Variants in CGN observed in about 807,000 individuals in gnomAD.
CGN encodes cingulin.
Under a neutral mutation model 157.1 loss-of-function variants are expected in CGN, and 121 were observed. The ratio of observed to expected loss-of-function variants is 0.77; its 90% CI spans 0.66 to 0.90. CGN has a LOEUF of 0.90. CGN is among the 40% of genes least tolerant of loss of function. The pLI is 0.00. For missense variants in CGN, 1,424 were observed against 1,520.9 expected (o/e 0.94, Z 1.06); for synonymous variants, 535 against 607.5 (o/e 0.88, Z 1.76).
chr1:151,519,655 AT>A (rs1571657358), intron 2 of CGN, among the ~76,000 whole-genome samples: 1 of 152,212 alleles, frequency 6.6e-6, no homozygotes, highest in East Asian at 1.9e-4. Context: ...TGCCACAACC[AT>A]TAACTATGGC....
intron 16 of CGN, 81 bp downstream of exon 16, chr1:151,535,212 A>G: frequency 9.9e-7 from 1 of 1,008,306 alleles, no homozygotes; most frequent in Non-Finnish European, 1.5e-6. Flanking sequence ...CTACCCTCCC[A>G]TCTTTCATCA....
rs1007500687 is a variant in CGN, at chr1:151,530,733, G to A, written c.2558G>A (p.Arg853Gln). The A allele has an allele frequency of 2.4e-5, 37 of 1,552,064 alleles. No individual in the cohort carries two copies. Among genetic ancestry groups the A allele is most frequent in the Non-Finnish European group, 3.1e-5 (35 of 1,147,270 alleles). ...QKRLLDRTVD[R>Q]LNKELEKIGE... The stretch of plus-strand genomic sequence containing the variant: ...CGTTTGCTGGACAGGACTGTGGACC[G>A]ACTGAACAAGGAGGTGGGGCATGGG... Residue 853 changes from arginine (R) to glutamine (Q), a missense_variant, in exon 13 of 21, where the codon CGA (arginine) becomes CAA (glutamine). Physicochemically the swap from Arg to Gln is conservative, Grantham distance 43 (BLOSUM62 1). Around this residue, in one of 3 missense-constraint regions of CGN, gnomAD observed 1,187 missense variants for 1,217.6 expected, o/e 0.97. Coordinates refer to ENST00000271636, the MANE Select transcript of CGN (RefSeq NM_020770.3).
At chr1:151,516,888 C>T (rs940222689) in intron 1 of CGN, among the ~76,000 whole-genome samples, 6 of 150,286 alleles carry the variant, frequency 4.0e-5, no homozygotes, top group Non-Finnish European at 7.4e-5. Context: ...TGGCTGGGTG[C>T]GTGGCTCATG....
chr1:151,538,447 C>T lies in CGN; in HGVS notation c.*1101C>T, dbSNP rs917465432. ...AGGCAACGGAAGACATTTATTTCTC[C>T]TTTGGATTTTGGGGAGAACCAAGCC... On this transcript the variant is annotated 3_prime_UTR_variant, in exon 21 of 21. Transcript: ENST00000271636. 9.2e-5 allele frequency: 14 copies of T among 152,178 alleles called. No individual in the cohort carries two copies. Among genetic ancestry groups the T allele is most frequent in the African/African-American group, 3.4e-4 (14 of 41,428 alleles). The allele number at this position is 152,178 out of a possible 1,614,324, so 9.4% of individuals were successfully genotyped here.
rs140498292 is a variant in CGN, at chr1:151,529,924, G to A, written c.2122G>A (p.Glu708Lys). 1.5e-4 allele frequency: 245 copies of A among 1,613,782 alleles called. 1 individual carries two copies. In the East Asian group the frequency reaches 5.0e-3, roughly 33 times the overall value. Residue 708 changes from glutamate (E) to lysine (K), a missense_variant, in exon 12 of 21, where the codon GAG becomes AAG. Physicochemically the swap from Glu to Lys is moderately conservative, Grantham distance 56 (BLOSUM62 1). Coordinates refer to ENST00000271636, the MANE Select transcript of CGN (RefSeq NM_020770.3). The stretch of plus-strand genomic sequence containing the variant: ...CCGTCCTTAGGCTAAGATGGTGGCC[G>A]AGGCAGAGGCAACAGTGCTGGGGCA... The part of the protein sequence containing the change: ...EEASKAKMVA[E>K]AEATVLGQRR...
In CGN at chr1:151,529,930, G is replaced by C; in HGVS notation, c.2128G>C (p.Glu710Gln). ...TTAGGCTAAGATGGTGGCCGAGGCA[G>C]AGGCAACAGTGCTGGGGCAGCGGCG... ...ASKAKMVAEA[E>Q]ATVLGQRRAA... Residue 710 changes from glutamate (E) to glutamine (Q), a missense_variant, in exon 12 of 21, where the codon GAG becomes CAG. Glu to Gln is a conservative substitution (Grantham distance 29). Transcript: ENST00000271636. The C allele has an allele frequency of 6.2e-7, 1 of 1,613,966 alleles. No individual in the cohort carries two copies. Among genetic ancestry groups the C allele is most frequent in the Non-Finnish European group, 8.5e-7 (1 of 1,179,916 alleles).
At chr1:151,532,855 G>A (rs1664871603) in intron 14 of CGN, among the ~76,000 whole-genome samples, 1 of 151,944 alleles carries the variant, frequency 6.6e-6, no homozygotes, top group African/African-American at 2.4e-5. Context: ...TCCTGACCTC[G>A]TGATCCGCCC....
intron 1 of CGN, among the ~76,000 whole-genome samples, chr1:151,517,416 G>A (rs895654298): frequency 1.3e-5 from 2 of 152,004 alleles, no homozygotes; most frequent in Admixed American, 1.3e-4. Context: ...GGGAGAGAAG[G>A]CCCCCTTTTC....
rs1051700014 is a variant in CGN at position 151,538,611 on chromosome 1, C to T, written c.*1265C>T. 6 of 152,194 alleles carry T rather than the reference C, an allele frequency of 3.9e-5. No individual in the cohort carries two copies. Among genetic ancestry groups the T allele is most frequent in the Non-Finnish European group, 5.9e-5 (4 of 68,030 alleles). The allele number at this position is 152,194 out of a possible 1,614,324, so 9.4% of individuals were successfully genotyped here. A position where few individuals can be genotyped will look rare whatever the true frequency, so the allele number is the denominator to read the frequency against. On this transcript the variant is annotated 3_prime_UTR_variant, in exon 21 of 21. Transcript: ENST00000271636. ...TTAAAAAAATTCCTATATTCTTCTG[C>T]AAATCAAACGTTCTTTCCCAATCCA...
At chr1:151,520,051 G>C (rs1461178429) in intron 2 of CGN, 115 bp from the exon 3 acceptor site, 7 of 738,234 alleles carry the variant, frequency 9.5e-6, no homozygotes, top group Non-Finnish European at 1.6e-5. Context: ...TGCTTGAAGG[G>C]ACTTGACCTG....
Position 151,520,691 on chromosome 1 carries a change from G to C in CGN, c.1140G>C (p.Lys380Asn), listed in dbSNP as rs1407009829. Residue 380 changes from lysine to asparagine, a missense_variant and splice_region_variant, in exon 5 of 21, where the codon AAG (lysine) becomes AAC (asparagine). By Grantham distance (94) the Lys-to-Asn change is moderately conservative (BLOSUM62 0). Around this residue, in one of 3 missense-constraint regions of CGN, gnomAD observed 1,187 missense variants for 1,217.6 expected, o/e 0.97. Transcript: ENST00000271636. The part of the protein sequence containing the change: ...ELQRKLDEEV[K>N]KRQKLEPSQV... Reference sequence around the variant, plus strand: ...AGCGAAAGCTGGATGAAGAGGTGAAGGTAAGGAAAGGTTAGAGGTGCCGGA... The same window carrying C: ...AGCGAAAGCTGGATGAAGAGGTGAACGTAAGGAAAGGTTAGAGGTGCCGGA... 6.2e-7 allele frequency: 1 copy of C among 1,612,142 alleles called. No homozygotes were observed. Among genetic ancestry groups the C allele is most frequent in the Non-Finnish European group, 8.5e-7 (1 of 1,178,966 alleles).
rs867211321 is a variant in CGN at position 151,537,463 on chromosome 1, G to A, written c.*117G>A. 57 of 823,900 alleles carry A rather than the reference G, an allele frequency of 6.9e-5. No homozygotes were observed. In the South Asian group the frequency reaches 8.5e-4, roughly 12 times the overall value. The allele number at this position is 823,900 out of a possible 1,614,324, so 51.0% of individuals were successfully genotyped here. On this transcript the variant is annotated 3_prime_UTR_variant, in exon 21 of 21. Transcript: ENST00000271636. The stretch of plus-strand genomic sequence containing the variant: ...GGGTGACCCAATTATTCAGACCTAA[G>A]ACAGGGAGGGGTCAGAGTGATGGTG...
intron 15 of CGN, chr1:151,534,787 G>T: frequency 2.2e-6 from 1 of 462,718 alleles, no homozygotes; most frequent in South Asian, 2.8e-5. Flanking sequence ...TTCCAATGAA[G>T]AGTAGATTCT....
At chr1:151,521,746 G>A (rs1389648129) in intron 5 of CGN, among the ~76,000 whole-genome samples, 1 of 152,202 alleles carries the variant, frequency 6.6e-6, no homozygotes. Flanking sequence ...GCTGAGGCAG[G>A]AGAATTACTT....
Position 151,534,088 on chromosome 1 carries a change from C to G in CGN, c.2856C>G (p.Asn952Lys). 6.2e-7 allele frequency: 1 copy of G among 1,612,086 alleles called. No individual in the cohort carries two copies. The highest frequency in any genetic ancestry group is 8.5e-7 in the Non-Finnish European group (1 of 1,179,108). Residue 952 changes from asparagine (N) to lysine (K), a missense_variant, in exon 15 of 21, where the codon AAC (asparagine) becomes AAG (lysine). By Grantham distance (94) the Asn-to-Lys change is moderately conservative. This residue lies in a region of CGN where 1,187 missense variants were observed against 1,217.6 expected (regional missense o/e 0.97). Coordinates refer to ENST00000271636, the MANE Select transcript of CGN (RefSeq NM_020770.3). ...AGGGGCTGGAGCAAGAGGCAGAGAA[C>G]AAGAAGCGTTCCCAGGACGACAGGG... ...RLQGLEQEAE[N>K]KKRSQDDRAR... is the part of the protein sequence containing the mutation.
Position 151,525,084 on chromosome 1 carries a change from C to G in CGN, c.1614+198C>G, listed in dbSNP as rs1664642228. Reference sequence around the variant, plus strand: ...GGGAGGGAGTACAGGCCAGAAGTACCTTGAGGTTGTGTGACAAAAGTCCCA... The same window carrying G: ...GGGAGGGAGTACAGGCCAGAAGTACGTTGAGGTTGTGTGACAAAAGTCCCA... On this transcript the variant is annotated intron_variant, in intron 8 of 20. Transcript: ENST00000271636. Among the ~76,000 whole-genome samples the G allele has an allele frequency of 2.0e-5, 3 of 152,196 alleles. 1 individual carries two copies. Among genetic ancestry groups the G allele is most frequent in the Non-Finnish European group, 4.4e-5 (3 of 68,006 alleles).
chr1:151,519,203 G>A lies in CGN; in HGVS notation c.684G>A (p.Glu228=), dbSNP rs552727413. 1 of 1,614,114 alleles carries A rather than the reference G, an allele frequency of 6.2e-7. No individual in the cohort carries two copies. The highest frequency in any genetic ancestry group is 8.5e-7 in the Non-Finnish European group (1 of 1,180,042). Residue 228 remains glutamate, a synonymous_variant, in exon 2 of 21, where the codon GAG becomes GAA. Coordinates refer to ENST00000271636, the MANE Select transcript of CGN (RefSeq NM_020770.3). The part of the protein sequence containing the change: ...RLPRDTFEER[E]RQSTNHWTSS... ...CACGGGACACCTTTGAGGAACGGGA[G>A]CGCCAGTCCACCAACCACTGGACCT...
Position 151,520,648 on chromosome 1 carries a change from G to A in CGN, c.1097G>A (p.Arg366Gln), listed in dbSNP as rs538191523. 26 of 1,613,980 alleles carry A rather than the reference G, an allele frequency of 1.6e-5. No individual in the cohort carries two copies. The highest frequency in any genetic ancestry group is 3.3e-5 in the South Asian group (3 of 91,068). ...KAVAGQGELT[R>Q]KVEELQRKLD... ...GTGGCAGGGCAGGGTGAGCTTACCC[G>A]AAAAGTGGAGGAGCTACAGCGAAAG... The change falls in exon 5 of 21, where the codon CGA becomes CAA. Residue 366 changes from arginine to glutamine, a missense_variant. Arg to Gln is a conservative substitution (Grantham distance 43, BLOSUM62 1). Coordinates refer to ENST00000271636, the MANE Select transcript of CGN (RefSeq NM_020770.3).
At chr1:151,525,947 A>C (rs1006933100) in intron 9 of CGN, among the ~76,000 whole-genome samples, 157 bp downstream of exon 9, 1 of 151,942 alleles carries the variant, frequency 6.6e-6, no homozygotes, top group African/African-American at 2.4e-5. Flanking sequence ...ATCTTGGCTC[A>C]CTGCAACCTC....
Sources: gnomAD v4.1 joint callset for allele counts (sites outside exome capture counted in the v4.1 genomes callset) on GRCh38, gnomAD v4.1.1 for gene constraint, gnomAD v4.1.1 regional missense constraint, MANE v1.5 for transcripts, NCBI Gene and HGNC (gene_info 2026-07-23, HGNC 2026-07-21) for gene names.